The following SPOCK1 variants were observed in gnomAD, a reference collection of about 807,000 sequenced individuals.
The protein encoded by SPOCK1 is SPARC (osteonectin), cwcv and kazal like domains proteoglycan 1, also known as testican-1.
A neutral mutation model predicts 55.3 loss-of-function variants in SPOCK1; 23 were observed. The observed-to-expected ratio is 0.42, with a 90% CI of 0.30 to 0.59. The LOEUF is 0.59. SPOCK1 is among the 20% of genes least tolerant of loss of function. The probability of loss-of-function intolerance (pLI) is 0.22; values close to 1 mark genes in which losing one functional copy is unlikely to be tolerated. For missense variants in SPOCK1, 499 were observed against 552.5 expected (o/e 0.90, Z 0.97); for synonymous variants, 226 against 221.0 (o/e 1.02, Z -0.20).
At chr5:137,477,600 CA>C (rs1228914805) in intron 2 of SPOCK1, among the ~76,000 whole-genome samples, 2 of 152,160 alleles carry the variant, frequency 1.3e-5, no homozygotes, top group African/African-American at 2.4e-5. Flanking sequence ...GATATCAAAG[CA>C]AACCTGTCAA....
At chr5:137,207,286 G>A (rs1471181436) in intron 3 of SPOCK1, among the ~76,000 whole-genome samples, 2 of 152,366 alleles carry the variant, frequency 1.3e-5, no homozygotes, top group East Asian at 3.9e-4. Context: ...GCCTGGAACA[G>A]GCCCACCAGC....
chr5:137,255,182 G>C (rs1317992919), intron 3 of SPOCK1, among the ~76,000 whole-genome samples: 1 of 152,212 alleles, frequency 6.6e-6, no homozygotes, highest in Non-Finnish European at 1.5e-5. Flanking sequence ...TTCACTGCTA[G>C]ATACTGGCGG....
At chr5:137,185,903 G>A (rs1469647385) in intron 3 of SPOCK1, among the ~76,000 whole-genome samples, 1 of 152,208 alleles carries the variant, frequency 6.6e-6, no homozygotes, top group Non-Finnish European at 1.5e-5. Context: ...AAGACAGGCA[G>A]TAACAAAATA....
intron 5 of SPOCK1, among the ~76,000 whole-genome samples, chr5:137,092,025 G>C (rs1484785735): frequency 6.6e-6 from 1 of 151,736 alleles, no homozygotes; most frequent in Non-Finnish European, 1.5e-5. Flanking sequence ...TCCTGATCTG[G>C]CCCCTGCTCA....
chr5:137,266,949 G>T, intron 3 of SPOCK1, 61 bp downstream of exon 3: 1 of 1,473,994 alleles, frequency 6.8e-7, no homozygotes, highest in Non-Finnish European at 9.4e-7. Flanking sequence ...AGCATGCAAG[G>T]AAGGAAAAAT....
intron 6 of SPOCK1, 141 bp downstream of exon 6, chr5:137,067,574 C>A: frequency 4.7e-6 from 3 of 634,690 alleles, no homozygotes; most frequent in Non-Finnish European, 8.3e-6. Context: ...GGTTTAGGGT[C>A]CCTAAATCTG....
intron 6 of SPOCK1, among the ~76,000 whole-genome samples, chr5:137,056,871 C>G (rs184266963): frequency 3.9e-5 from 6 of 152,130 alleles, no homozygotes; most frequent in Middle Eastern, 3.4e-3. Context: ...ACCCTCCCCC[C>G]ACCACCGACT....
intron 2 of SPOCK1, among the ~76,000 whole-genome samples, chr5:137,324,718 A>G (rs560865950): frequency 1.3e-5 from 2 of 152,318 alleles, no homozygotes; most frequent in Admixed American, 1.3e-4. Context: ...TGCATATAAT[A>G]ACACTGAATG....
At chr5:137,068,366 A>G (rs1752549297) in intron 5 of SPOCK1, among the ~76,000 whole-genome samples, 1 of 152,206 alleles carries the variant, frequency 6.6e-6, no homozygotes, top group African/African-American at 2.4e-5. Context: ...TCCGTTGTCC[A>G]AAACCTAAGT....
At chr5:137,323,720 G>GA (rs972564580) in intron 2 of SPOCK1, among the ~76,000 whole-genome samples, 6 of 151,900 alleles carry the variant, frequency 3.9e-5, no homozygotes, top group East Asian at 3.9e-4. Context: ...ACATGTATGG[G>GA]AAAAAAAATA....
intron 2 of SPOCK1, among the ~76,000 whole-genome samples, chr5:137,343,956 T>C (rs1212791655): frequency 1.3e-5 from 2 of 152,138 alleles, no homozygotes; most frequent in Admixed American, 6.5e-5. Context: ...GCAAGTTTCA[T>C]TTAACCAGGC....
intron 6 of SPOCK1, among the ~76,000 whole-genome samples, chr5:137,008,295 T>TACACAC (rs141325417): frequency 0.14 from 19,148 of 138,118 alleles, 1,352 homozygotes; most frequent in Non-Finnish European, 0.15. Context: ...TAATAATAAA[T>TACACAC]ACACACACAC....
intron 2 of SPOCK1, among the ~76,000 whole-genome samples, chr5:137,323,586 G>T (rs1295816206): frequency 1.3e-5 from 2 of 151,882 alleles, no homozygotes; most frequent in Non-Finnish European, 2.9e-5. Flanking sequence ...CCATACTTTA[G>T]AAGGGATTAA....
chr5:137,100,756 C>A (rs1299081479), intron 5 of SPOCK1, among the ~76,000 whole-genome samples: 1 of 152,044 alleles, frequency 6.6e-6, no homozygotes, highest in Non-Finnish European at 1.5e-5. Flanking sequence ...CTGTTCTGAG[C>A]ACCTTCCTGG....
At chr5:137,317,608 G>C (rs1009038579) in intron 2 of SPOCK1, among the ~76,000 whole-genome samples, 2 of 152,206 alleles carry the variant, frequency 1.3e-5, no homozygotes, top group Admixed American at 1.3e-4. Context: ...CACGTTTCAG[G>C]AAATGAAGGC....
chr5:137,084,823 C>T (rs1017282546), intron 5 of SPOCK1, among the ~76,000 whole-genome samples: 1 of 152,020 alleles, frequency 6.6e-6, no homozygotes, highest in Non-Finnish European at 1.5e-5. Flanking sequence ...CTGCCTTTAC[C>T]TTTCCATGCC....
At chr5:137,381,771 A>G (rs1751475298) in intron 2 of SPOCK1, among the ~76,000 whole-genome samples, 1 of 152,186 alleles carries the variant, frequency 6.6e-6, no homozygotes, top group Admixed American at 6.5e-5. Flanking sequence ...TGGGCCTGTA[A>G]TGGGAGAGGC....
chr5:137,129,755 A>C (rs1286783444), intron 4 of SPOCK1, among the ~76,000 whole-genome samples: 2 of 152,316 alleles, frequency 1.3e-5, no homozygotes, highest in East Asian at 3.9e-4. Flanking sequence ...TAGAATAGGG[A>C]AAGTCACAAA....
intron 3 of SPOCK1, among the ~76,000 whole-genome samples, chr5:137,188,282 C>T (rs1394647839): frequency 6.6e-6 from 1 of 152,238 alleles, no homozygotes; most frequent in Non-Finnish European, 1.5e-5. Flanking sequence ...TCTTATGGCG[C>T]TTTGCTTATT....
Sources: allele counts gnomAD v4.1 joint callset (sites outside exome capture counted in the v4.1 genomes callset), GRCh38; gene constraint gnomAD v4.1.1; transcripts MANE v1.5; gene names NCBI Gene and HGNC (gene_info 2026-07-23, HGNC 2026-07-21).